ADCY1: variants seen among roughly 807,000 people sequenced by gnomAD.
ADCY1 encodes adenylate cyclase type 1.
A neutral mutation model predicts 105.4 loss-of-function variants in ADCY1; 28 were observed. The ratio of observed to expected loss-of-function variants is 0.27; its 90% confidence interval spans 0.20 to 0.36. ADCY1 has a LOEUF of 0.36. Ranked by LOEUF, ADCY1 falls within the 10% of genes least tolerant of loss-of-function variation. The pLI is 1.00. For missense variants in ADCY1, 977 were observed against 1,434.2 expected (o/e 0.68, Z 5.15); for synonymous variants, 655 against 623.8 (o/e 1.05, Z -0.75).
rs370955955 is a variant in ADCY1, at chr7:45,600,683, A to G, written c.789+7775A>G. The stretch of plus-strand genomic sequence containing the variant: ...CAACAAGAGAAATGTATTTCCTCAC[A>G]GTTCTGGAGGCTGCAGAGTCCAAGA... On this transcript the variant is annotated intron_variant, in intron 2 of 19. Coordinates refer to ENST00000297323, the MANE Select transcript of ADCY1 (RefSeq NM_021116.4). Among the ~76,000 whole-genome samples, 110 of 152,316 alleles carry G rather than the reference A, an allele frequency of 7.2e-4. 2 individuals are homozygous for G. The South Asian group carries it at 0.021, about 30-fold the overall frequency.
intron 8 of ADCY1, among the ~76,000 whole-genome samples, chr7:45,670,003 A>G (rs770097473): frequency 5.3e-5 from 8 of 152,216 alleles, no homozygotes; most frequent in African/African-American, 2.4e-5. Context: ...GTATATGGCT[A>G]ATTATTTCAA....
intron 10 of ADCY1, among the ~76,000 whole-genome samples, chr7:45,679,417 A>G (rs1356835045): frequency 6.6e-6 from 1 of 152,212 alleles, no homozygotes; most frequent in East Asian, 1.9e-4. Flanking sequence ...CTTCCAGAAA[A>G]GTTCTGTGAT....
intron 5 of ADCY1, among the ~76,000 whole-genome samples, chr7:45,657,212 G>A (rs1444253984): frequency 6.6e-6 from 1 of 152,276 alleles, no homozygotes; most frequent in Non-Finnish European, 1.5e-5. Flanking sequence ...CTAAGGCCAA[G>A]TGTGTGTCAG....
chr7:45,632,541 T>A (rs1383936182), intron 4 of ADCY1, among the ~76,000 whole-genome samples: 1 of 122,664 alleles, frequency 8.2e-6, no homozygotes, highest in East Asian at 2.1e-4. Context: ...TTCTCAGAAA[T>A]GTATAGTTTT....
chr7:45,615,028 C>A (rs1793699725), intron 3 of ADCY1, among the ~76,000 whole-genome samples: 1 of 152,048 alleles, frequency 6.6e-6, no homozygotes, highest in Admixed American at 6.6e-5. Context: ...CTAAATAGAC[C>A]TAACAGACAT....
In ADCY1 at chr7:45,708,346, C is replaced by G; in HGVS notation, c.2818-4C>G. 1 of 1,611,908 alleles carries G rather than the reference C, an allele frequency of 6.2e-7. No individual in the cohort carries two copies. The highest frequency in any genetic ancestry group is 8.5e-7 in the Non-Finnish European group (1 of 1,177,956). The stretch of plus-strand genomic sequence containing the variant: ...ATGTAATGACCCCATCTGTTTACAC[C>G]TAGGCTAAGAAGTCCATCTCCTCCC... On this transcript the variant is annotated splice_polypyrimidine_tract_variant and splice_region_variant and intron_variant, in intron 17 of 19. Coordinates refer to ENST00000297323, the MANE Select transcript of ADCY1 (RefSeq NM_021116.4). The surrounding 1 kb of genome is among the most constrained non-coding windows in gnomAD (Gnocchi z 4.7).
At chr7:45,629,513 T>TTA (rs974354272) in intron 4 of ADCY1, among the ~76,000 whole-genome samples, 5 of 150,570 alleles carry the variant, frequency 3.3e-5, no homozygotes, top group East Asian at 1.9e-4. Context: ...GCTTAACTTT[T>TTA]TTTTTTTTTT....
chr7:45,690,236 T>C (rs192524151), intron 14 of ADCY1, among the ~76,000 whole-genome samples: 144 of 152,172 alleles, frequency 9.5e-4, no homozygotes, highest in African/African-American at 3.4e-3. Context: ...GGGCTGTGCA[T>C]GTATCACAGC....
intron 14 of ADCY1, among the ~76,000 whole-genome samples, chr7:45,702,938 A>T (rs1785027561): frequency 6.6e-6 from 1 of 152,194 alleles, no homozygotes; most frequent in South Asian, 2.1e-4. Flanking sequence ...ATTCCAGAGG[A>T]AACAGGAGCC....
chr7:45,672,957 C>G (rs1438102659), intron 8 of ADCY1, among the ~76,000 whole-genome samples: 1 of 152,100 alleles, frequency 6.6e-6, no homozygotes, highest in East Asian at 1.9e-4. Context: ...TGTAGATGTT[C>G]TTAATCAAGT....
At chr7:45,650,266 C>T (rs1794774823) in intron 5 of ADCY1, among the ~76,000 whole-genome samples, 1 of 152,044 alleles carries the variant, frequency 6.6e-6, no homozygotes, top group Non-Finnish European at 1.5e-5. Context: ...TTATATATCA[C>T]ACGTCATATA....
chr7:45,575,216 G>T lies in ADCY1; in HGVS notation c.639+34G>T. On this transcript the variant is annotated intron_variant, in intron 1 of 19. Coordinates refer to ENST00000297323, the MANE Select transcript of ADCY1 (RefSeq NM_021116.4). The surrounding 1 kb of genome is among the most constrained non-coding windows in gnomAD (Gnocchi z 4.7). ...AGCCGCGCACCCCTCATCTGGTCTC[G>T]GACACACTTGCTGGGACGATGCTGG... is the stretch of plus-strand genomic sequence containing the variant. 1.9e-6 allele frequency: 3 copies of T among 1,541,538 alleles called. No homozygotes were observed. Among genetic ancestry groups the T allele is most frequent in the Non-Finnish European group, 2.6e-6 (3 of 1,148,064 alleles).
Position 45,708,237 on chromosome 7 carries a change from G to A in ADCY1, c.2818-113G>A. On this transcript the variant is annotated intron_variant, in intron 17 of 19. Transcript: ENST00000297323. This position sits in a 1 kb window ranked among gnomAD's most constrained non-coding sequence, Gnocchi z 4.7. ...GAATGATAAATGTGCCTATAGCCAGGCACTCAGAGTGCCTTCCTCTGAAAG... is the reference window on the plus strand; with the variant it reads ...GAATGATAAATGTGCCTATAGCCAGACACTCAGAGTGCCTTCCTCTGAAAG... The A allele has an allele frequency of 1.5e-6, 1 of 678,324 alleles. No individual in the cohort carries two copies. Among genetic ancestry groups the A allele is most frequent in the Non-Finnish European group, 2.7e-6 (1 of 373,894 alleles). The allele number at this position is 678,324 out of a possible 1,614,324, so 42.0% of individuals were successfully genotyped here.
At chr7:45,654,796 A>G (rs1794895804) in intron 5 of ADCY1, among the ~76,000 whole-genome samples, 1 of 152,208 alleles carries the variant, frequency 6.6e-6, no homozygotes, top group Non-Finnish European at 1.5e-5. Flanking sequence ...CTAAAATTTT[A>G]GGGGACATGG....
chr7:45,695,693 A>G lies in ADCY1; in HGVS notation c.2455-7683A>G, dbSNP rs187453661. Reference sequence around the variant, plus strand: ...TCAACATAGAGCAAAAGCTCCAAAGACCCCAGAAGTTGCTTTCTGCCCACA... The same window carrying G: ...TCAACATAGAGCAAAAGCTCCAAAGGCCCCAGAAGTTGCTTTCTGCCCACA... On this transcript the variant is annotated intron_variant, in intron 14 of 19. Coordinates refer to ENST00000297323, the MANE Select transcript of ADCY1 (RefSeq NM_021116.4). Among the ~76,000 whole-genome samples the G allele has an allele frequency of 1.4e-4, 22 of 152,268 alleles. No individual in the cohort carries two copies. The East Asian group carries it at 4.0e-3, about 28-fold the overall frequency.
chr7:45,703,704 G>A lies in ADCY1; in HGVS notation c.2676G>A (p.Glu892=), dbSNP rs749484254. Residue 892 remains glutamate (E), a synonymous_variant, in exon 16 of 20, where the codon GAG becomes GAA. Coordinates refer to ENST00000297323, the MANE Select transcript of ADCY1 (RefSeq NM_021116.4). This position sits in a 1 kb window ranked among gnomAD's most constrained non-coding sequence, Gnocchi z 5.9. Reference sequence around the variant, plus strand: ...TGGACGGCAACAACATGGGGGTGGAGTGTCTGCGGCTTCTCAACGAGATCA... The same window carrying A: ...TGGACGGCAACAACATGGGGGTGGAATGTCTGCGGCTTCTCAACGAGATCA... ...IELDGNNMGV[E]CLRLLNEIIA... The A allele has an allele frequency of 1.2e-6, 2 of 1,608,008 alleles. No homozygotes were observed. Among genetic ancestry groups the A allele is most frequent in the Non-Finnish European group, 8.5e-7 (1 of 1,176,810 alleles).
At chr7:45,658,497 A>C (rs1015197507) in intron 6 of ADCY1, among the ~76,000 whole-genome samples, 3 of 152,108 alleles carry the variant, frequency 2.0e-5, no homozygotes, top group African/African-American at 7.2e-5. Flanking sequence ...CGCAGTGGCT[A>C]TCATGGCAGG....
chr7:45,696,972 G>T (rs1784894492), intron 14 of ADCY1, among the ~76,000 whole-genome samples: 1 of 152,152 alleles, frequency 6.6e-6, no homozygotes, highest in African/African-American at 2.4e-5. Flanking sequence ...GGCTGAAGAG[G>T]ACTTCCTGGA....
chr7:45,657,543 C>T (rs1343642762), intron 5 of ADCY1, among the ~76,000 whole-genome samples, 184 bp from the exon 6 acceptor site: 1 of 152,224 alleles, frequency 6.6e-6, no homozygotes, highest in Non-Finnish European at 1.5e-5. Flanking sequence ...GGCCCTCAGC[C>T]CACAGGTGGG....
Sources: allele counts gnomAD v4.1 joint callset (sites outside exome capture counted in the v4.1 genomes callset), GRCh38; gene constraint gnomAD v4.1.1; non-coding constraint Gnocchi (gnomAD v3.1); transcripts MANE v1.5; gene names NCBI Gene and HGNC (gene_info 2026-07-23, HGNC 2026-07-21).